Variants in HMCN1 observed in about 807,000 individuals in gnomAD.
The protein encoded by HMCN1 is hemicentin-1.
Under a neutral mutation model 625.9 loss-of-function variants are expected in HMCN1, and 321 were observed. The ratio of observed to expected loss-of-function variants is 0.51; its 90% CI spans 0.47 to 0.56. HMCN1 has a LOEUF of 0.56. Among genes scored for constraint, HMCN1 ranks in the 20% least tolerant of loss-of-function variants. HMCN1 has a pLI of 0.00. For missense variants in HMCN1, 6,588 were observed against 6,887.3 expected (o/e 0.96, Z 1.54); for synonymous variants, 2,425 against 2,417.6 (o/e 1.00, Z -0.09).
chr1:186,103,625 A>G lies in HMCN1; in HGVS notation c.10727A>G (p.Gln3576Arg). The change falls in exon 69 of 107, where the codon CAA becomes CGA. Residue 3576 changes from glutamine (Q) to arginine (R), a missense_variant. By Grantham distance (43) the Gln-to-Arg change is conservative (BLOSUM62 1). Coordinates refer to ENST00000271588, the MANE Select transcript of HMCN1 (RefSeq NM_031935.3). ...GRPLPQTDQV[Q>R]TLGGGEVLRI... The stretch of plus-strand genomic sequence containing the variant: ...CCCCTTCCACAGACGGATCAAGTGC[A>G]AACTCTAGGAGGAGGAGAGGTTCTT... The G allele has an allele frequency of 6.2e-7, 1 of 1,613,876 alleles. No individual in the cohort carries two copies. The highest frequency in any genetic ancestry group is 8.5e-7 in the Non-Finnish European group (1 of 1,179,812).
intron 1 of HMCN1, among the ~76,000 whole-genome samples, chr1:185,751,749 G>A (rs1285664588): frequency 6.6e-6 from 1 of 151,580 alleles, no homozygotes; most frequent in African/African-American, 2.4e-5. Flanking sequence ...CTTCAGTTCT[G>A]TCCAATCTAC....
chr1:185,786,483 G>A (rs1657578140), intron 1 of HMCN1, among the ~76,000 whole-genome samples: 1 of 152,098 alleles, frequency 6.6e-6, no homozygotes. Context: ...GATTCAAATT[G>A]GCATCTGGGC....
intron 1 of HMCN1, among the ~76,000 whole-genome samples, chr1:185,753,921 A>G (rs1481805592): frequency 6.6e-6 from 1 of 152,214 alleles, no homozygotes; most frequent in Non-Finnish European, 1.5e-5. Flanking sequence ...ACTTCTGGGT[A>G]CATAGCCTAA....
chr1:185,829,541 G>A (rs1456175474), intron 1 of HMCN1, among the ~76,000 whole-genome samples: 1 of 152,014 alleles, frequency 6.6e-6, no homozygotes, highest in African/African-American at 2.4e-5. Flanking sequence ...AGTTTGCTAA[G>A]GATGATGGCT....
At chr1:185,740,259 G>A (rs1653892164) in intron 1 of HMCN1, among the ~76,000 whole-genome samples, 1 of 152,168 alleles carries the variant, frequency 6.6e-6, no homozygotes, top group African/African-American at 2.4e-5. Context: ...ATAGTCTGAA[G>A]CAGAACAAGG....
chr1:186,023,504 T>C, intron 36 of HMCN1, among the ~76,000 whole-genome samples: 1 of 152,128 alleles, frequency 6.6e-6, no homozygotes, highest in East Asian at 1.9e-4. Context: ...GCGTTTTTCT[T>C]GCCTGCCTAT....
chr1:186,138,319 G>A (rs1649747335), intron 89 of HMCN1, among the ~76,000 whole-genome samples: 1 of 152,194 alleles, frequency 6.6e-6, no homozygotes, highest in Admixed American at 6.5e-5. Context: ...CCCTAGAGAG[G>A]TTAAAGACTT....
At chr1:186,120,398 A>G (rs542613493) in intron 80 of HMCN1, among the ~76,000 whole-genome samples, 1 of 152,280 alleles carries the variant, frequency 6.6e-6, no homozygotes, top group East Asian at 1.9e-4. Flanking sequence ...TCTGTTTGAT[A>G]CTCCATTTCA....
At chr1:185,774,473 T>A (rs953931353) in intron 1 of HMCN1, among the ~76,000 whole-genome samples, 1 of 152,166 alleles carries the variant, frequency 6.6e-6, no homozygotes, top group Non-Finnish European at 1.5e-5. Context: ...CAGTGTCTGT[T>A]GAGAATGAGG....
intron 35 of HMCN1, among the ~76,000 whole-genome samples, chr1:186,020,095 T>G (rs1343825708): frequency 6.6e-6 from 1 of 152,062 alleles, no homozygotes; most frequent in East Asian, 1.9e-4. Flanking sequence ...AAAATATTTT[T>G]AAGAATTAGT....
At chr1:185,783,564 G>A (rs977297782) in intron 1 of HMCN1, among the ~76,000 whole-genome samples, 1 of 152,194 alleles carries the variant, frequency 6.6e-6, no homozygotes, top group Non-Finnish European at 1.5e-5. Context: ...CCTTCTAACA[G>A]TCAGGACCCT....
At chr1:186,000,545 GTGTGTGTGTGTGTA>G (rs1414562462) in intron 26 of HMCN1, among the ~76,000 whole-genome samples, 3 of 128,574 alleles carry the variant, frequency 2.3e-5, no homozygotes, top group South Asian at 5.1e-4. Flanking sequence ...CGTGTAGGGT[GTGTGTGTGTGTGTA>G]TGTGTGTGTG....
intron 52 of HMCN1, among the ~76,000 whole-genome samples, 188 bp from the exon 53 acceptor site, chr1:186,074,552 AT>A (rs1658681345): frequency 6.6e-6 from 1 of 152,180 alleles, no homozygotes; most frequent in African/African-American, 2.4e-5. Flanking sequence ...ATAAATAAAA[AT>A]TTGATTAGTC....
chr1:186,045,690 C>A lies in HMCN1; in HGVS notation c.6307C>A (p.Pro2103Thr). 6.2e-7 allele frequency: 1 copy of A among 1,612,692 alleles called. No homozygotes were observed. Among genetic ancestry groups the A allele is most frequent in the South Asian group, 1.1e-5 (1 of 91,046 alleles). ...AAGAAAACCCATCTTTCATGTAGTT[C>A]CGCCAAATATTATGGGAGAAGAACA... ...QRDIDLRVYV[P>T]PNIMGEEQNV... Residue 2103 changes from proline to threonine, a missense_variant and splice_region_variant, in exon 41 of 107, where the codon CCG becomes ACG. This residue lies in a region of HMCN1 where 4,628 missense variants were observed against 4,853.1 expected (regional missense o/e 0.95). Coordinates refer to ENST00000271588, the MANE Select transcript of HMCN1 (RefSeq NM_031935.3).
chr1:185,982,611 TG>T (rs1232894254), intron 18 of HMCN1, among the ~76,000 whole-genome samples: 1 of 151,958 alleles, frequency 6.6e-6, no homozygotes, highest in Admixed American at 6.6e-5. Flanking sequence ...AGCTAATTTT[TG>T]TATTTTTTAG....
chr1:186,122,948 T>C lies in HMCN1; in HGVS notation c.12230-3T>C, dbSNP rs200662005. 107 of 1,613,444 alleles carry C rather than the reference T, an allele frequency of 6.6e-5. No individual in the cohort carries two copies. In the Admixed American group the frequency reaches 1.2e-3, roughly 18 times the overall value. On this transcript the variant is annotated splice_region_variant and splice_polypyrimidine_tract_variant and intron_variant, in intron 80 of 106. Coordinates refer to ENST00000271588, the MANE Select transcript of HMCN1 (RefSeq NM_031935.3). ...TGAACTTTATATTTTTTGTATATTT[T>C]AGTTCCTCCAGTCATTAGCCCTCAT...
rs904120663 is a variant in HMCN1, at chr1:186,182,069, T to C, written c.16295-99T>C. ...ACATGAGTATAAAATCACCAAGAAG[T>C]TTTTCTAATGTATATCAACAACTTG... On this transcript the variant is annotated intron_variant, in intron 104 of 106. Transcript: ENST00000271588. The C allele has an allele frequency of 2.2e-6, 3 of 1,363,964 alleles. No homozygotes were observed. The African/African-American group carries it at 4.3e-5, about 20-fold the overall frequency. The allele number at this position is 1,363,964 out of a possible 1,614,324, so 84.5% of individuals were successfully genotyped here.
chr1:186,168,217 G>A (rs532437519), intron 100 of HMCN1, among the ~76,000 whole-genome samples: 57 of 150,532 alleles, frequency 3.8e-4, no homozygotes, highest in African/African-American at 1.4e-3. Context: ...GGCAAGAAAG[G>A]TAAAAAGGGA....
chr1:186,112,982 T>C (rs985977019), intron 72 of HMCN1, 29 bp downstream of exon 72: 7 of 1,612,284 alleles, frequency 4.3e-6, no homozygotes, highest in East Asian at 2.2e-5. Context: ...TGTTCCACAA[T>C]TTAAAAATCT....
Sources: allele counts gnomAD v4.1 joint callset (sites outside exome capture counted in the v4.1 genomes callset), GRCh38; gene constraint gnomAD v4.1.1; regional missense constraint gnomAD v4.1.1; transcripts MANE v1.5; gene names NCBI Gene and HGNC (gene_info 2026-07-23, HGNC 2026-07-21).